The following SGK1 variants were observed in gnomAD, a reference collection of about 807,000 sequenced individuals.
SGK1 encodes serine/threonine-protein kinase Sgk1.
SGK1 carries 26 observed loss-of-function variants against 64.2 expected under a neutral mutation model. The ratio of observed to expected loss-of-function variants is 0.40; its 90% CI spans 0.30 to 0.56. The LOEUF (loss-of-function observed/expected upper bound fraction) is 0.56. Ranked by LOEUF, SGK1 falls within the 20% of genes least tolerant of loss-of-function variation. The pLI is 0.38. For missense variants in SGK1, 519 were observed against 645.6 expected (o/e 0.80, Z 2.12); for synonymous variants, 265 against 239.7 (o/e 1.11, Z -0.98).
chr6:134,258,564 G>T (rs1776718109), intron 2 of SGK1, among the ~76,000 whole-genome samples: 2 of 152,112 alleles, frequency 1.3e-5, no homozygotes, highest in African/African-American at 2.4e-5. Flanking sequence ...AATTCGCCAG[G>T]CGTGGTGGCG....
chr6:134,292,309 G>C (rs999371536), intron 1 of SGK1, among the ~76,000 whole-genome samples: 6 of 152,080 alleles, frequency 3.9e-5, no homozygotes, highest in Non-Finnish European at 8.8e-5. Flanking sequence ...TGAAGCCCAG[G>C]GGGCCGGGCG....
At position 134,309,068 on chromosome 6, in the gene SGK1, T is replaced by C. The variant is rs531664707; in HGVS notation, c.69+8324A>G. ...CAAGGTTACCCTAATGTTACAGAAG[T>C]AGCTAAGTGAATTCTTCTCCGAAAA... is the stretch of plus-strand genomic sequence containing the variant. On this transcript the variant is annotated intron_variant, in intron 1 of 13. Coordinates refer to ENST00000367858, the MANE Select transcript of SGK1 (RefSeq NM_001143676.3). Among the ~76,000 whole-genome samples, 7 of 152,272 alleles carry C rather than the reference T, an allele frequency of 4.6e-5. No homozygotes were observed. The South Asian group carries it at 1.0e-3, about 23-fold the overall frequency.
chr6:134,293,897 T>C (rs1025466915), intron 1 of SGK1, among the ~76,000 whole-genome samples: 1 of 152,214 alleles, frequency 6.6e-6, no homozygotes, highest in Non-Finnish European at 1.5e-5. Context: ...ATCCCATTAT[T>C]CCTCTTGAGG....
At chr6:134,230,484 G>A (rs921152897) in intron 2 of SGK1, 7 of 152,162 alleles carry the variant, frequency 4.6e-5, no homozygotes, top group South Asian at 4.1e-4. Context: ...CTCACAAGGC[G>A]GCCGGAAGAA....
chr6:134,261,210 G>A (rs887903658), intron 2 of SGK1: 1 of 152,154 alleles, frequency 6.6e-6, no homozygotes, highest in African/African-American at 2.4e-5. Context: ...AGTATACATA[G>A]TGCTCTGTAA....
chr6:134,207,556 T>C lies in SGK1; in HGVS notation c.286-125A>G, dbSNP rs1258724961. Reference sequence around the variant, plus strand: ...TAGTACATATGGCATGTCTGTGCTCTAATTAGGGTGGTTTTCTCAGGACCG... The same window carrying C: ...TAGTACATATGGCATGTCTGTGCTCCAATTAGGGTGGTTTTCTCAGGACCG... On this transcript the variant is annotated intron_variant, in intron 2 of 13. Coordinates refer to ENST00000367858, the MANE Select transcript of SGK1 (RefSeq NM_001143676.3). 1.2e-5 allele frequency: 8 copies of C among 694,410 alleles called. No individual in the cohort carries two copies. The East Asian group carries it at 2.2e-4, about 19-fold the overall frequency. 43.0% of individuals were successfully genotyped at this position (694,410 alleles called of 1,614,324 possible). A position where few individuals can be genotyped will look rare whatever the true frequency, so the allele number is the denominator to read the frequency against.
intron 1 of SGK1, among the ~76,000 whole-genome samples, chr6:134,304,701 CAGAG>C (rs376485397): frequency 2.0e-5 from 3 of 147,040 alleles, no homozygotes; most frequent in South Asian, 2.1e-4. Flanking sequence ...GATCCTGTCT[CAGAG>C]AGAGAGAGAG....
At chr6:134,183,602 G>A (rs56167134) in intron 3 of SGK1, among the ~76,000 whole-genome samples, 31,785 of 152,052 alleles carry the variant, frequency 0.21, 3,518 homozygotes, top group East Asian at 0.25. Flanking sequence ...TTTTCCTCAG[G>A]CCCCGCTATG....
Position 134,174,018 on chromosome 6 carries a change from T to C in SGK1, c.500A>G (p.Asn167Ser), listed in dbSNP as rs73560810. 11 of 1,612,792 alleles carry C rather than the reference T, an allele frequency of 6.8e-6. 1 individual carries two copies. In the South Asian group the frequency reaches 1.1e-4, roughly 16 times the overall value. ...QPQEPELMNA[N>S]PSPPPSPSQQ... ...ACAAAAACTTACTGGAGGAGAAGGG[T>C]TGGCATTCATAAGCTCAGGCTCCTG... Residue 167 changes from asparagine to serine, a missense_variant, in exon 5 of 14, where the codon AAC (asparagine) becomes AGC (serine). Asn to Ser is a conservative substitution (Grantham distance 46). Coordinates refer to ENST00000367858, the MANE Select transcript of SGK1 (RefSeq NM_001143676.3).
At chr6:134,257,163 A>G (rs1776697270) in intron 2 of SGK1, 1 of 152,558 alleles carries the variant, frequency 6.6e-6, no homozygotes, top group Non-Finnish European at 1.5e-5. Flanking sequence ...GTGGTGGCTC[A>G]TGCCTGTAAT....
In SGK1 at chr6:134,182,363, A is replaced by G. The variant is rs550810927; in HGVS notation, c.362-7777T>C. Among the ~76,000 whole-genome samples, 21 of 151,986 alleles carry G rather than the reference A, an allele frequency of 1.4e-4. No homozygotes were observed. The South Asian group carries it at 4.2e-3, about 30-fold the overall frequency. On this transcript the variant is annotated intron_variant, in intron 3 of 13. Coordinates refer to ENST00000367858, the MANE Select transcript of SGK1 (RefSeq NM_001143676.3). ...AGGAGTTCGAAACCAGCAGGCCAAC[A>G]TGGTGAAACCCCGTCTCTACTAAAA...
At chr6:134,246,525 G>A (rs980491651) in intron 2 of SGK1, among the ~76,000 whole-genome samples, 2 of 152,070 alleles carry the variant, frequency 1.3e-5, no homozygotes, top group Admixed American at 6.6e-5. Flanking sequence ...AGAGATAAAC[G>A]AAGTAAATGT....
rs1274115890 is a variant in SGK1, at chr6:134,173,581, AAAG to A, written c.514-18_514-16del. The A allele has an allele frequency of 5.1e-6, 8 of 1,553,838 alleles. No individual in the cohort carries two copies. The Admixed American group carries it at 1.0e-4, about 19-fold the overall frequency. Reference sequence around the variant, plus strand: ...GAAGGACTTGGCTAGAAAAAAAAAAAAAGAATTTCTTTTAATACCATTGCTTCA... The same window carrying A: ...GAAGGACTTGGCTAGAAAAAAAAAAAAATTTCTTTTAATACCATTGCTTCA... On this transcript the variant is annotated splice_polypyrimidine_tract_variant and intron_variant, in intron 5 of 13. Coordinates refer to ENST00000367858, the MANE Select transcript of SGK1 (RefSeq NM_001143676.3).
chr6:134,294,689 C>G (rs951205436), intron 1 of SGK1, among the ~76,000 whole-genome samples: 2 of 152,000 alleles, frequency 1.3e-5, no homozygotes, highest in African/African-American at 4.8e-5. Context: ...TGTGCACCAC[C>G]CCCCCAACCA....
chr6:134,216,083 CTTTT>C (rs60558249), intron 2 of SGK1, among the ~76,000 whole-genome samples: 2 of 152,002 alleles, frequency 1.3e-5, no homozygotes, highest in African/African-American at 4.8e-5. Context: ...TTTTTTAAAA[CTTTT>C]TTTCTTTTTA....
intron 1 of SGK1, among the ~76,000 whole-genome samples, chr6:134,296,089 G>A (rs911725765): frequency 2.0e-5 from 3 of 152,178 alleles, no homozygotes; most frequent in African/African-American, 7.2e-5. Flanking sequence ...AATGGGAAGA[G>A]AATCTCAAAT....
At chr6:134,171,497 T>C (rs117811328) in intron 11 of SGK1, 140 bp downstream of exon 11, 13,151 of 641,654 alleles carry the variant, frequency 0.02, 192 homozygotes, top group Non-Finnish European at 0.025. Flanking sequence ...TCTTATGAAC[T>C]ATAAAATAAC....
intron 3 of SGK1, among the ~76,000 whole-genome samples, chr6:134,204,968 TC>T (rs1562249748): frequency 8.8e-6 from 1 of 114,168 alleles, no homozygotes; most frequent in Non-Finnish European, 2.1e-5. Flanking sequence ...TTTCTTTCTT[TC>T]TTTTTCTTTC....
intron 1 of SGK1, among the ~76,000 whole-genome samples, chr6:134,313,302 C>T (rs1400213865): frequency 1.3e-5 from 2 of 152,060 alleles, no homozygotes; most frequent in African/African-American, 2.4e-5. Flanking sequence ...CCCAGAAACT[C>T]GAGACCAGCC....
Sources: allele counts gnomAD v4.1 joint callset (sites outside exome capture counted in the v4.1 genomes callset), GRCh38; gene constraint gnomAD v4.1.1; transcripts MANE v1.5; gene names NCBI Gene and HGNC (gene_info 2026-07-23, HGNC 2026-07-21).